The following DHX37 variants were observed in gnomAD, a reference collection of about 807,000 sequenced individuals.
The protein encoded by DHX37 is DEAH-box helicase 37.
DHX37 carries 52 observed loss-of-function variants against 134.3 expected under a neutral mutation model. That is an observed-to-expected ratio of 0.39 (90% CI 0.31 to 0.49). The LOEUF (loss-of-function observed/expected upper bound fraction) is 0.49, where lower values mean the gene tolerates loss of function less well. Among genes scored for constraint, DHX37 ranks in the 20% least tolerant of loss-of-function variants. The pLI is 0.93. For missense variants in DHX37, 1,344 were observed against 1,580.8 expected (o/e 0.85, Z 2.54); for synonymous variants, 634 against 670.7 (o/e 0.95, Z 0.85).
Position 124,988,944 on chromosome 12 carries a change from G to C in DHX37, c.79C>G (p.Pro27Ala). The change falls in exon 1 of 27, where the codon CCG becomes GCG. Residue 27 changes from proline (P) to alanine (A), a missense_variant. By Grantham distance (27) the Pro-to-Ala change is conservative. Transcript: ENST00000308736. ...GPGPSKGPPE[P>A]PPVQLELEDK... ...TCCAGTTCCAGCTGCACGGGGGGCG[G>C]CTCGGGGGGGCCCTTCGAGGGTCCG... 1.5e-6 allele frequency: 2 copies of C among 1,339,634 alleles called. No individual in the cohort carries two copies. Among genetic ancestry groups the C allele is most frequent in the South Asian group, 2.4e-5 (1 of 41,234 alleles). The allele number at this position is 1,339,634 out of a possible 1,614,324, so 83.0% of individuals were successfully genotyped here.
chr12:124,957,139 G>A lies in DHX37; in HGVS notation c.2158-4C>T. 1 of 1,493,660 alleles carries A rather than the reference G, an allele frequency of 6.7e-7. No individual in the cohort carries two copies. Among genetic ancestry groups the A allele is most frequent in the Non-Finnish European group, 8.9e-7 (1 of 1,124,264 alleles). The allele number at this position is 1,493,660 out of a possible 1,614,324, so 92.5% of individuals were successfully genotyped here. Reference sequence around the variant, plus strand: ...TCGGGAAGGGGAAGTTGATGACCTGGGACACAAGGAGACGTGGCAGGGACA... The same window carrying A: ...TCGGGAAGGGGAAGTTGATGACCTGAGACACAAGGAGACGTGGCAGGGACA... On this transcript the variant is annotated splice_region_variant and splice_polypyrimidine_tract_variant and intron_variant, in intron 16 of 26. Coordinates refer to ENST00000308736, the MANE Select transcript of DHX37 (RefSeq NM_032656.4).
At chr12:124,958,048 A>T (rs1026682963) in intron 16 of DHX37, among the ~76,000 whole-genome samples, 1 of 152,174 alleles carries the variant, frequency 6.6e-6, no homozygotes, top group African/African-American at 2.4e-5. Flanking sequence ...CAAACTGGCA[A>T]ATCCATGGAG....
intron 9 of DHX37, 64 bp downstream of exon 9, chr12:124,968,803 G>C: frequency 6.2e-7 from 1 of 1,602,898 alleles, no homozygotes; most frequent in Non-Finnish European, 8.5e-7. Context: ...CTCTCAGGGG[G>C]CTCCCGACAC....
intron 6 of DHX37, 22 bp downstream of exon 6, chr12:124,975,397 C>T (rs769694136): frequency 1.2e-6 from 2 of 1,611,382 alleles, no homozygotes; most frequent in Non-Finnish European, 1.7e-6. Context: ...CATAGTCCGC[C>T]CCAGGGAAGT....
chr12:124,988,079 C>G (rs1954908972), intron 1 of DHX37, among the ~76,000 whole-genome samples: 1 of 148,816 alleles, frequency 6.7e-6, no homozygotes, highest in African/African-American at 2.5e-5. Context: ...CTGCAACCTC[C>G]GTATCCTGGG....
At chr12:124,967,670 G>A (rs560711986) in intron 10 of DHX37, among the ~76,000 whole-genome samples, 2 of 152,242 alleles carry the variant, frequency 1.3e-5, no homozygotes, top group South Asian at 2.1e-4. Flanking sequence ...CAGCAACCTC[G>A]GCTTCCTTGA....
At chr12:124,966,176 G>A (rs12582899) in intron 12 of DHX37, among the ~76,000 whole-genome samples, 1 of 152,014 alleles carries the variant, frequency 6.6e-6, no homozygotes, top group African/African-American at 2.4e-5. Context: ...GAAAGCCCCT[G>A]CCAGCCCAGC....
At chr12:124,962,636 G>A (rs1954289968) in intron 15 of DHX37, among the ~76,000 whole-genome samples, 2 of 151,830 alleles carry the variant, frequency 1.3e-5, no homozygotes, top group South Asian at 2.1e-4. Context: ...AGCCCAGGCC[G>A]ACAACAGTGA....
intron 10 of DHX37, among the ~76,000 whole-genome samples, chr12:124,967,929 C>T (rs34084086): frequency 0.018 from 2,779 of 152,014 alleles, 42 homozygotes; most frequent in Non-Finnish European, 0.028. Context: ...ATTAGCCAGG[C>T]GTGGCAGTGT....
intron 15 of DHX37, among the ~76,000 whole-genome samples, chr12:124,963,744 G>A (rs1301789663): frequency 6.6e-6 from 1 of 151,158 alleles, no homozygotes; most frequent in Non-Finnish European, 1.5e-5. Context: ...GCCGGGCGTG[G>A]TGGCAGGTGC....
rs1245540311 is a variant in DHX37 at position 124,950,755 on chromosome 12, A to G, written c.2918T>C (p.Phe973Ser). 6.2e-7 allele frequency: 1 copy of G among 1,609,814 alleles called. No homozygotes were observed. The highest frequency in any genetic ancestry group is 1.1e-5 in the South Asian group (1 of 90,514). The part of the protein sequence containing the change: ...PVFIHPSSVL[F>S]KELPEFVVYQ... The stretch of plus-strand genomic sequence containing the variant: ...GACCACAAACTCGGGGAGCTCTTTG[A>G]AAAGGACGGAGCTGGGGTGGATGAA... The change falls in exon 22 of 27, where the codon TTC becomes TCC. Residue 973 changes from phenylalanine (F) to serine (S), a missense_variant. Physicochemically the swap from Phe to Ser is radical, Grantham distance 155. This residue lies in a region of DHX37 where 558 missense variants were observed against 650.0 expected (regional missense o/e 0.86). Coordinates refer to ENST00000308736, the MANE Select transcript of DHX37 (RefSeq NM_032656.4).
chr12:124,979,277 G>A (rs1954709088), intron 4 of DHX37, among the ~76,000 whole-genome samples: 2 of 152,204 alleles, frequency 1.3e-5, no homozygotes, highest in Non-Finnish European at 2.9e-5. Flanking sequence ...GGTGAGGCAG[G>A]AGGGTCACTT....
chr12:124,964,742 G>GCCAT (rs1211269612), intron 14 of DHX37, 116 bp from the exon 15 acceptor site: 2 of 1,509,762 alleles, frequency 1.3e-6, no homozygotes, highest in Non-Finnish European at 1.8e-6. Flanking sequence ...GCAAGGACAA[G>GCCAT]CCATCCCATC....
At chr12:124,976,513 A>T (rs1273392924) in intron 5 of DHX37, among the ~76,000 whole-genome samples, 1 of 151,916 alleles carries the variant, frequency 6.6e-6, no homozygotes, top group Non-Finnish European at 1.5e-5. Context: ...GGAGTTCAAG[A>T]CCAGCCTGAC....
Position 124,948,115 on chromosome 12 carries a change from G to T in DHX37, c.3357C>A (p.Ala1119=). The T allele has an allele frequency of 6.2e-7, 1 of 1,614,256 alleles. No homozygotes were observed. Among genetic ancestry groups the T allele is most frequent in the African/African-American group, 1.3e-5 (1 of 75,078 alleles). ...GGTTTTTCTTCCAAGCAGCCAGCAA[G>T]GCTTCATGGCAGTCAGCCTTCTCTG... ...LVAEKADCHE[A]LLAAWKKNPK... is the part of the protein sequence containing the mutation. Residue 1119 remains alanine, a synonymous_variant, in exon 26 of 27, where the codon GCC becomes GCA. Transcript: ENST00000308736.
At chr12:124,965,952 T>C (rs1954378493) in intron 12 of DHX37, 140 bp from the exon 13 acceptor site, 1 of 1,063,770 alleles carries the variant, frequency 9.4e-7, no homozygotes, top group Admixed American at 2.8e-5. Context: ...GGCCACATAA[T>C]TCTCTCTTCC....
At position 124,986,082 on chromosome 12, in the gene DHX37, C is replaced by T. The variant is rs116601214; in HGVS notation, c.276+14G>A. The T allele has an allele frequency of 2.8e-3, 4,505 of 1,613,032 alleles. 53 individuals are homozygous for T. In the African/African-American group the frequency reaches 0.032, roughly 12 times the overall value. On this transcript the variant is annotated intron_variant, in intron 2 of 26. Transcript: ENST00000308736. The stretch of plus-strand genomic sequence containing the variant: ...TGGAGAGCCACTTGCAGACCCTGCC[C>T]GAGTGGGGTGTACCTGGCTCTTTTT...
Position 124,950,028 on chromosome 12 carries a change from C to G in DHX37, c.3248G>C (p.Cys1083Ser). Reference protein sequence around the residue: ...VFRKLASYRSCLLSSPGTMLK... With the variant: ...VFRKLASYRSSLLSSPGTMLK... The stretch of plus-strand genomic sequence containing the variant: ...CATGGTGCCGGGGCTGGACAGCAGA[C>G]AGCTCCGGTATGAGGCCAGCTTGCG... Residue 1083 changes from cysteine (C) to serine (S), a missense_variant, in exon 25 of 27, where the codon TGT (cysteine) becomes TCT (serine). This residue lies in a region of DHX37 where 558 missense variants were observed against 650.0 expected (regional missense o/e 0.86). Coordinates refer to ENST00000308736, the MANE Select transcript of DHX37 (RefSeq NM_032656.4). The G allele has an allele frequency of 6.2e-7, 1 of 1,613,262 alleles. No homozygotes were observed. The highest frequency in any genetic ancestry group is 1.1e-5 in the South Asian group (1 of 90,918).
intron 5 of DHX37, 113 bp downstream of exon 5, chr12:124,977,229 T>C: frequency 7.6e-7 from 1 of 1,310,116 alleles, no homozygotes; most frequent in Non-Finnish European, 1.0e-6. Flanking sequence ...TCACACAGCA[T>C]GCACAGGGCA....
Sources: allele counts gnomAD v4.1 joint callset (sites outside exome capture counted in the v4.1 genomes callset), GRCh38; gene constraint gnomAD v4.1.1; regional missense constraint gnomAD v4.1.1; transcripts MANE v1.5; gene names NCBI Gene and HGNC (gene_info 2026-07-23, HGNC 2026-07-21).